The following ADAMTS17 variants were observed in gnomAD, a reference collection of about 807,000 sequenced individuals.
ADAMTS17 encodes ADAM metallopeptidase with thrombospondin type 1 motif 17.
ADAMTS17 carries 113 observed loss-of-function variants against 141.5 expected under a neutral mutation model. The ratio of observed to expected loss-of-function variants is 0.80; its 90% CI spans 0.69 to 0.93. The LOEUF is 0.93. Among genes scored for constraint, ADAMTS17 ranks in the 40% least tolerant of loss-of-function variants. The pLI is 0.00. For missense variants in ADAMTS17, 1,659 were observed against 1,517.9 expected, an observed-to-expected ratio of 1.09 and a Z score of -1.54; for synonymous variants, 768 against 630.6, an observed-to-expected ratio of 1.22 and a Z score of -3.27.
intron 17 of ADAMTS17, 136 bp downstream of exon 17, chr15:100,051,436 T>C: frequency 1.6e-6 from 2 of 1,281,430 alleles, no homozygotes; most frequent in Non-Finnish European, 2.2e-6. Flanking sequence ...CAGAGAGATT[T>C]TCGGTGGGAT....
intron 18 of ADAMTS17, among the ~76,000 whole-genome samples, chr15:100,034,223 G>T (rs2030474956): frequency 6.6e-6 from 1 of 152,234 alleles, no homozygotes; most frequent in Admixed American, 6.5e-5. Flanking sequence ...TCTCAAAGTG[G>T]TTCACAGCAC....
At chr15:100,047,813 T>G (rs193086522) in intron 18 of ADAMTS17, among the ~76,000 whole-genome samples, 1 of 152,310 alleles carries the variant, frequency 6.6e-6, no homozygotes, top group Admixed American at 6.5e-5. Flanking sequence ...TATGACCTGA[T>G]GGACTGATCG....
intron 15 of ADAMTS17, among the ~76,000 whole-genome samples, chr15:100,073,647 A>G (rs375004491): frequency 6.6e-6 from 1 of 151,650 alleles, no homozygotes; most frequent in Non-Finnish European, 1.5e-5. Flanking sequence ...ATCATTCTCA[A>G]CAAACTATCA....
chr15:100,190,850 A>G (rs971883682), intron 8 of ADAMTS17, among the ~76,000 whole-genome samples: 1 of 152,224 alleles, frequency 6.6e-6, no homozygotes, highest in Non-Finnish European at 1.5e-5. Context: ...CAAGAGAGCC[A>G]CCTGGACAGG....
intron 15 of ADAMTS17, among the ~76,000 whole-genome samples, chr15:100,082,990 T>A (rs2034855665): frequency 6.6e-6 from 1 of 152,164 alleles, no homozygotes; most frequent in Non-Finnish European, 1.5e-5. Context: ...GTGGGAAAAC[T>A]CCTAGAGCTG....
intron 3 of ADAMTS17, among the ~76,000 whole-genome samples, chr15:100,325,946 C>G (rs2045886638): frequency 6.6e-6 from 1 of 152,164 alleles, no homozygotes; most frequent in Non-Finnish European, 1.5e-5. Flanking sequence ...ACGCCTTGAT[C>G]CCACACTTTT....
intron 4 of ADAMTS17, among the ~76,000 whole-genome samples, chr15:100,267,699 T>TC (rs1408850486): frequency 1.3e-5 from 2 of 152,148 alleles, no homozygotes; most frequent in Non-Finnish European, 2.9e-5. Context: ...TCTCTAGTAG[T>TC]CCGCAGTGTC....
At chr15:100,168,160 GAGGATGCAGCTCATGGCTCCAT>G (rs1436333902) in intron 8 of ADAMTS17, among the ~76,000 whole-genome samples, 1 of 152,176 alleles carries the variant, frequency 6.6e-6, no homozygotes, top group Non-Finnish European at 1.5e-5. Context: ...GGAGGGCTCC[GAGGATGCAGCTCATGGCTCCAT>G]TCACCTCTCC....
chr15:100,261,747 T>C, intron 5 of ADAMTS17, 111 bp from the exon 6 acceptor site: 1 of 1,246,960 alleles, frequency 8.0e-7, no homozygotes, highest in Non-Finnish European at 1.1e-6. Context: ...TGAGACATCA[T>C]TTGATGACTC....
chr15:100,184,571 G>A (rs938044520), intron 8 of ADAMTS17, among the ~76,000 whole-genome samples: 3 of 152,288 alleles, frequency 2.0e-5, no homozygotes, highest in African/African-American at 4.8e-5. Flanking sequence ...AATGATGTGT[G>A]GCAAAGCTAC....
At chr15:99,977,620 T>A (rs2060392574) in intron 20 of ADAMTS17, among the ~76,000 whole-genome samples, 1 of 151,328 alleles carries the variant, frequency 6.6e-6, no homozygotes, top group Admixed American at 6.6e-5. Flanking sequence ...TTCATCATAT[T>A]GGCCAGACTG....
At chr15:100,331,876 C>T (rs1378248199) in intron 2 of ADAMTS17, among the ~76,000 whole-genome samples, 1 of 152,116 alleles carries the variant, frequency 6.6e-6, no homozygotes, top group Non-Finnish European at 1.5e-5. Context: ...AAGAAGTTTC[C>T]ATGTAATACA....
intron 3 of ADAMTS17, among the ~76,000 whole-genome samples, chr15:100,292,245 C>T (rs900678049): frequency 1.3e-5 from 2 of 151,890 alleles, no homozygotes; most frequent in Non-Finnish European, 2.9e-5. Flanking sequence ...ACGCTCACCC[C>T]GTGAGAAACT....
intron 12 of ADAMTS17, among the ~76,000 whole-genome samples, chr15:100,120,487 CATTGCTGTA>C (rs2141171337): frequency 6.6e-6 from 1 of 152,330 alleles, no homozygotes; most frequent in Non-Finnish European, 1.5e-5. Context: ...AGATGGCTGA[CATTGCTGTA>C]ACCTCCACCA....
At chr15:100,252,475 C>T (rs140466112) in intron 7 of ADAMTS17, among the ~76,000 whole-genome samples, 169 of 152,300 alleles carry the variant, frequency 1.1e-3, no homozygotes, top group African/African-American at 3.8e-3. Flanking sequence ...TATGTCTCCA[C>T]GGGGCAAGCC....
intron 17 of ADAMTS17, among the ~76,000 whole-genome samples, chr15:100,051,127 C>T (rs1167495956): frequency 2.0e-5 from 3 of 152,294 alleles, no homozygotes; most frequent in South Asian, 2.1e-4. Context: ...ACGTTTCACC[C>T]GACTTGCAGG....
chr15:100,136,271 C>T (rs2038327875), intron 10 of ADAMTS17, among the ~76,000 whole-genome samples: 1 of 152,080 alleles, frequency 6.6e-6, no homozygotes, highest in Non-Finnish European at 1.5e-5. Context: ...AATGTTGAAC[C>T]ACAGTGTTGG....
intron 7 of ADAMTS17, among the ~76,000 whole-genome samples, chr15:100,235,118 C>T (rs887824437): frequency 2.6e-5 from 4 of 152,124 alleles, no homozygotes; most frequent in African/African-American, 7.2e-5. Context: ...CAGACGCGGG[C>T]CCACGATGAG....
At chr15:100,112,621 C>A (rs888849440) in intron 13 of ADAMTS17, among the ~76,000 whole-genome samples, 1 of 152,140 alleles carries the variant, frequency 6.6e-6, no homozygotes. Flanking sequence ...AACACTCTTA[C>A]ATCCCCAACA....
Sources: allele counts gnomAD v4.1 joint callset (sites outside exome capture counted in the v4.1 genomes callset), GRCh38; gene constraint gnomAD v4.1.1; transcripts MANE v1.5; gene names NCBI Gene and HGNC (gene_info 2026-07-23, HGNC 2026-07-21).